PLEKHM3: variants seen among roughly 807,000 people sequenced by gnomAD.
PLEKHM3 encodes the protein pleckstrin homology domain-containing family M member 3.
A neutral mutation model predicts 81.8 loss-of-function variants in PLEKHM3; 45 were observed. The ratio of observed to expected loss-of-function variants is 0.55; its 90% CI spans 0.43 to 0.71. The LOEUF (loss-of-function observed/expected upper bound fraction) is 0.71. Among genes scored for constraint, PLEKHM3 ranks in the 30% least tolerant of loss-of-function variants. PLEKHM3 has a pLI of 0.00. For synonymous variants in PLEKHM3, 352 were observed against 356.4 expected, an observed-to-expected ratio of 0.99 and a Z score of 0.14; for missense variants, 788 against 924.3, an observed-to-expected ratio of 0.85 and a Z score of 1.91.
At chr2:207,913,047 G>A (rs1396664616) in intron 5 of PLEKHM3, among the ~76,000 whole-genome samples, 2 of 152,062 alleles carry the variant, frequency 1.3e-5, no homozygotes, top group Non-Finnish European at 2.9e-5. Flanking sequence ...GAGTCCTTTA[G>A]GAAATGAATG....
rs545751128 is a variant in PLEKHM3 at position 207,940,904 on chromosome 2, G to C, written c.1692+5463C>G. ...GGTTCTTCTTTCTCTCAAGTTAGGAGGGAAAATAGGATAGGTACAAATATA... is the reference window on the plus strand; with the variant it reads ...GGTTCTTCTTTCTCTCAAGTTAGGACGGAAAATAGGATAGGTACAAATATA... On this transcript the variant is annotated intron_variant, in intron 4 of 7. Coordinates refer to ENST00000427836, the MANE Select transcript of PLEKHM3 (RefSeq NM_001080475.3). Among the ~76,000 whole-genome samples, 21 of 152,308 alleles carry C rather than the reference G, an allele frequency of 1.4e-4. No homozygotes were observed. In the South Asian group the frequency reaches 4.1e-3, roughly 30 times the overall value.
At chr2:207,981,570 C>T (rs1334452213) in intron 2 of PLEKHM3, among the ~76,000 whole-genome samples, 1 of 152,142 alleles carries the variant, frequency 6.6e-6, no homozygotes, top group African/African-American at 2.4e-5. Context: ...TGGTCTTGAA[C>T]TCCTGGCTTC....
intron 7 of PLEKHM3, among the ~76,000 whole-genome samples, chr2:207,849,944 C>T (rs1574333953): frequency 1.3e-5 from 2 of 152,142 alleles, no homozygotes; most frequent in South Asian, 4.1e-4. Flanking sequence ...GTTTATTTGG[C>T]TCCTGATTCT....
rs115495550 is a variant in PLEKHM3, at chr2:207,902,275, T to C, written c.1950+6239A>G. Among the ~76,000 whole-genome samples, 671 of 152,324 alleles carry C rather than the reference T, an allele frequency of 4.4e-3. 6 individuals carry two copies. Among genetic ancestry groups the C allele is most frequent in the African/African-American group, 0.015 (639 of 41,574 alleles). The stretch of plus-strand genomic sequence containing the variant: ...TCTGCTGACTCTGTGAGAGCGTCCA[T>C]AGAGAAAAACGTTCTCTGATAATGG... On this transcript the variant is annotated intron_variant, in intron 6 of 7. Coordinates refer to ENST00000427836, the MANE Select transcript of PLEKHM3 (RefSeq NM_001080475.3).
Position 207,977,799 on chromosome 2 carries a change from T to C in PLEKHM3, c.611-213A>G, listed in dbSNP as rs1378373343. Among the ~76,000 whole-genome samples, 7 of 152,152 alleles carry C rather than the reference T, an allele frequency of 4.6e-5. No homozygotes were observed. The South Asian group carries it at 6.2e-4, about 14-fold the overall frequency. On this transcript the variant is annotated intron_variant, in intron 2 of 7. Transcript: ENST00000427836. Reference sequence around the variant, plus strand: ...AAATCTCGAGTCTAAAAACTGTAACTAGGAGGCTGGGTGCGGTGGCACACA... The same window carrying C: ...AAATCTCGAGTCTAAAAACTGTAACCAGGAGGCTGGGTGCGGTGGCACACA...
chr2:207,866,823 A>G (rs1414058175), intron 6 of PLEKHM3, among the ~76,000 whole-genome samples: 1 of 152,172 alleles, frequency 6.6e-6, no homozygotes, highest in Non-Finnish European at 1.5e-5. Context: ...GCTACTTCAG[A>G]CACCATAAAT....
At chr2:208,000,272 C>T (rs1291147014) in intron 2 of PLEKHM3, among the ~76,000 whole-genome samples, 1 of 152,140 alleles carries the variant, frequency 6.6e-6, no homozygotes, top group South Asian at 2.1e-4. Context: ...TCTGCACGCC[C>T]TTCTCCCCAC....
At chr2:207,915,795 T>G (rs986495130) in intron 5 of PLEKHM3, among the ~76,000 whole-genome samples, 3 of 152,210 alleles carry the variant, frequency 2.0e-5, no homozygotes, top group Admixed American at 1.3e-4. Context: ...AAACCATTTA[T>G]TCACGTAGTT....
chr2:207,997,304 T>G (rs968544810), intron 2 of PLEKHM3, among the ~76,000 whole-genome samples: 1 of 152,120 alleles, frequency 6.6e-6, no homozygotes, highest in African/African-American at 2.4e-5. Flanking sequence ...GCCTGGTTAT[T>G]CATCACCAAT....
chr2:207,985,738 C>G (rs866294591), intron 2 of PLEKHM3, among the ~76,000 whole-genome samples: 3 of 151,856 alleles, frequency 2.0e-5, no homozygotes, highest in East Asian at 1.9e-4. Context: ...TGTAATCCCA[C>G]CACTTTGGGA....
intron 3 of PLEKHM3, among the ~76,000 whole-genome samples, chr2:207,959,288 A>G (rs952814346): frequency 6.6e-6 from 1 of 152,134 alleles, no homozygotes; most frequent in Non-Finnish European, 1.5e-5. Flanking sequence ...CCTGGTATTT[A>G]GCATTATATT....
At chr2:207,995,530 C>T (rs115488915) in intron 2 of PLEKHM3, among the ~76,000 whole-genome samples, 197 of 152,216 alleles carry the variant, frequency 1.3e-3, no homozygotes, top group African/African-American at 4.4e-3. Context: ...AGGAAGACTG[C>T]CTAGATTCAA....
In PLEKHM3 at chr2:207,825,501, T is replaced by G. The variant is rs565983325; in HGVS notation, c.*2818A>C. On this transcript the variant is annotated 3_prime_UTR_variant, in exon 8 of 8. Transcript: ENST00000427836. ...GGTAATCCACAGATTTGCTTTTGTT[T>G]CGACAGTTTCTAAGCAGTGGAACAA... The G allele has an allele frequency of 6.6e-5, 10 of 152,362 alleles. No homozygotes were observed. The highest frequency in any genetic ancestry group is 4.6e-4 in the Admixed American group (7 of 15,298). The allele number at this position is 152,362 out of a possible 1,614,324, so 9.4% of individuals were successfully genotyped here. A position where few individuals can be genotyped will look rare whatever the true frequency, so the allele number is the denominator to read the frequency against.
At chr2:207,981,507 G>C (rs1336881820) in intron 2 of PLEKHM3, among the ~76,000 whole-genome samples, 1 of 151,974 alleles carries the variant, frequency 6.6e-6, no homozygotes, top group East Asian at 1.9e-4. Context: ...CATGATACCT[G>C]GCTTATTTTT....
At chr2:207,931,265 G>A in intron 4 of PLEKHM3, 146 bp from the exon 5 acceptor site, 1 of 807,758 alleles carries the variant, frequency 1.2e-6, no homozygotes, top group South Asian at 2.1e-5. Flanking sequence ...TGAATTAAAT[G>A]TAAATTTTGA....
intron 6 of PLEKHM3, among the ~76,000 whole-genome samples, chr2:207,897,504 A>G (rs1344154741): frequency 6.6e-6 from 1 of 152,200 alleles, no homozygotes; most frequent in African/African-American, 2.4e-5. Context: ...GGCAGGTACT[A>G]TTATTCTCAC....
intron 2 of PLEKHM3, among the ~76,000 whole-genome samples, chr2:207,995,278 T>A (rs1692033389): frequency 6.6e-6 from 1 of 152,224 alleles, no homozygotes; most frequent in Non-Finnish European, 1.5e-5. Flanking sequence ...TGCCTCAGTT[T>A]TTCTGAACCC....
At chr2:207,927,496 A>AC (rs1689436476) in intron 5 of PLEKHM3, among the ~76,000 whole-genome samples, 1 of 137,828 alleles carries the variant, frequency 7.3e-6, no homozygotes, top group Admixed American at 7.3e-5. Context: ...AGCCTGGGCG[A>AC]TAGAGTGAGA....
At chr2:207,833,404 A>G (rs948481595) in intron 7 of PLEKHM3, among the ~76,000 whole-genome samples, 2 of 152,254 alleles carry the variant, frequency 1.3e-5, no homozygotes, top group Non-Finnish European at 2.9e-5. Context: ...TGTACATCAC[A>G]GAAAACAAAG....
Sources: gnomAD v4.1 joint callset for allele counts (sites outside exome capture counted in the v4.1 genomes callset) on GRCh38, gnomAD v4.1.1 for gene constraint, MANE v1.5 for transcripts, NCBI Gene and HGNC (gene_info 2026-07-23, HGNC 2026-07-21) for gene names.